The following CGAS variants were observed in gnomAD, a reference collection of about 807,000 sequenced individuals.
The protein encoded by CGAS is 2'3'-cGAMP synthase.
In CGAS, 31 loss-of-function variants were observed where a neutral mutation model predicts 34.0. The observed-to-expected ratio is 0.91, with a 90% CI of 0.69 to 1.23. CGAS has a LOEUF of 1.23. CGAS is among the 50% of genes most tolerant of loss of function. The probability of loss-of-function intolerance (pLI) is 0.00; values close to 1 mark genes in which losing one functional copy is unlikely to be tolerated. For missense variants in CGAS, 597 were observed against 657.6 expected (o/e 0.91, Z 1.01); for synonymous variants, 266 against 260.0 (o/e 1.02, Z -0.22).
intron 2 of CGAS, among the ~76,000 whole-genome samples, chr6:73,443,599 C>A (rs1209273006): frequency 6.6e-5 from 10 of 152,314 alleles, no homozygotes; most frequent in Admixed American, 4.6e-4. Context: ...ACTTCCCCCC[C>A]ACCTCCATCT....
chr6:73,429,812 C>G (rs1770162287), intron 3 of CGAS, among the ~76,000 whole-genome samples: 2 of 151,274 alleles, frequency 1.3e-5, no homozygotes, highest in African/African-American at 4.9e-5. Context: ...GGCAACAGCA[C>G]AAGACTCTGT....
intron 4 of CGAS, among the ~76,000 whole-genome samples, chr6:73,427,533 C>A (rs976504620): frequency 2.6e-5 from 4 of 152,252 alleles, no homozygotes; most frequent in Non-Finnish European, 4.4e-5. Context: ...TTCCTGACCT[C>A]AGGTGATCCA....
chr6:73,436,893 G>A (rs1770289890), intron 3 of CGAS, among the ~76,000 whole-genome samples: 1 of 152,148 alleles, frequency 6.6e-6, no homozygotes, highest in Non-Finnish European at 1.5e-5. Context: ...GCTCACGCCT[G>A]TAATCCCAGT....
At chr6:73,426,412 T>C (rs1770089686) in intron 4 of CGAS, among the ~76,000 whole-genome samples, 1 of 151,628 alleles carries the variant, frequency 6.6e-6, no homozygotes. Context: ...TGTTTTCAAA[T>C]ATATGGTTTG....
intron 3 of CGAS, among the ~76,000 whole-genome samples, chr6:73,432,702 C>A (rs1377671064): frequency 6.6e-6 from 1 of 152,158 alleles, no homozygotes; most frequent in Non-Finnish European, 1.5e-5. Context: ...GTGATCCACC[C>A]ACCTCAGCCT....
chr6:73,447,842 C>T (rs1235398019), intron 1 of CGAS, among the ~76,000 whole-genome samples: 1 of 152,056 alleles, frequency 6.6e-6, no homozygotes, highest in East Asian at 1.9e-4. Context: ...TGTTTATTGA[C>T]TTTGCAACCA....
Position 73,451,511 on chromosome 6 carries a change from G to A in CGAS, c.657+14C>T, listed in dbSNP as rs1045223708. The stretch of plus-strand genomic sequence containing the variant: ...GAGCAGCGGGGCTCGGCGGGAGGGC[G>A]CCAAGCAGCTCACCTTCACGTGCTC... On this transcript the variant is annotated intron_variant, in intron 1 of 4. Transcript: ENST00000370315. 3 of 1,527,664 alleles carry A rather than the reference G, an allele frequency of 2.0e-6. No homozygotes were observed. The highest frequency in any genetic ancestry group is 2.8e-5 in the African/African-American group (2 of 72,678). The allele number at this position is 1,527,664 out of a possible 1,614,324, so 94.6% of individuals were successfully genotyped here.
At chr6:73,436,304 C>T (rs1770278207) in intron 3 of CGAS, among the ~76,000 whole-genome samples, 1 of 151,030 alleles carries the variant, frequency 6.6e-6, no homozygotes, top group Non-Finnish European at 1.5e-5. Context: ...AAAGTCTATA[C>T]TTTATCCAGA....
rs1435074230 is a variant in CGAS, at chr6:73,445,848, A to G, written c.658-101T>C. On this transcript the variant is annotated intron_variant, in intron 1 of 4. Coordinates refer to ENST00000370315, the MANE Select transcript of CGAS (RefSeq NM_138441.3). ...TTCCACTTAAAACTTTACTTTAAAAAGCAAGATTCATAATGTCTATATATA... is the reference window on the plus strand; with the variant it reads ...TTCCACTTAAAACTTTACTTTAAAAGGCAAGATTCATAATGTCTATATATA... 10 of 856,478 alleles carry G rather than the reference A, an allele frequency of 1.2e-5. No individual in the cohort carries two copies. The Admixed American group carries it at 2.6e-4, about 22-fold the overall frequency. 53.1% of individuals were successfully genotyped at this position (856,478 alleles called of 1,614,324 possible). A position where few individuals can be genotyped will look rare whatever the true frequency, so the allele number is the denominator to read the frequency against.
intron 2 of CGAS, among the ~76,000 whole-genome samples, chr6:73,441,831 G>C (rs1390109399): frequency 6.6e-6 from 1 of 152,114 alleles, no homozygotes; most frequent in East Asian, 1.9e-4. Flanking sequence ...CCCAAACCTG[G>C]CCACCTCTCC....
intron 3 of CGAS, among the ~76,000 whole-genome samples, chr6:73,438,838 A>G (rs1432083700): frequency 2.0e-5 from 3 of 152,264 alleles, no homozygotes; most frequent in African/African-American, 7.2e-5. Context: ...GTCCTGTTGC[A>G]ATTTTTGTAT....
chr6:73,451,123 T>C (rs2150019460), intron 1 of CGAS, among the ~76,000 whole-genome samples: 1 of 152,258 alleles, frequency 6.6e-6, no homozygotes, highest in African/African-American at 2.4e-5. Flanking sequence ...GTAAGAGGTC[T>C]TCCTCATAGG....
At position 73,451,750 on chromosome 6, in the gene CGAS, GGGGCTGGGCACGTCCCA is replaced by G; in HGVS notation, c.415_431del (p.Trp139ArgfsTer34). 6.2e-7 allele frequency: 1 copy of G among 1,610,056 alleles called. No individual in the cohort carries two copies. Among genetic ancestry groups the G allele is most frequent in the Non-Finnish European group, 8.5e-7 (1 of 1,178,614 alleles). ...GAATGGGGGCCGAGACCGGCAGGCC[GGGGCTGGGCACGTCCCA>G]GGGCCCGGGCGGAGGTCTTGGCTTC... On this transcript the variant is annotated frameshift_variant, in exon 1 of 5. Coordinates refer to ENST00000370315, the MANE Select transcript of CGAS (RefSeq NM_138441.3). LOFTEE classifies it high-confidence loss of function.
At chr6:73,432,208 C>T (rs1008185811) in intron 3 of CGAS, among the ~76,000 whole-genome samples, 1 of 152,160 alleles carries the variant, frequency 6.6e-6, no homozygotes, top group African/African-American at 2.4e-5. Flanking sequence ...GTTGCCCAGG[C>T]TGGAGTGCAG....
At chr6:73,426,289 A>C (rs1770085049) in intron 4 of CGAS, among the ~76,000 whole-genome samples, 1 of 147,940 alleles carries the variant, frequency 6.8e-6, no homozygotes, top group East Asian at 2.0e-4. Context: ...CTCAAAATAA[A>C]ATAAAATAAA....
chr6:73,441,513 C>T (rs1232247482), intron 2 of CGAS, among the ~76,000 whole-genome samples: 3 of 152,184 alleles, frequency 2.0e-5, no homozygotes, highest in African/African-American at 4.8e-5. Flanking sequence ...GGGATGCCAT[C>T]CCAGGATCTT....
intron 4 of CGAS, among the ~76,000 whole-genome samples, chr6:73,428,215 G>A (rs311674): frequency 0.44 from 66,585 of 150,876 alleles, 15,206 homozygotes; most frequent in South Asian, 0.58. Flanking sequence ...CAGAGTGAAA[G>A]TCTGTCTCAA....
At chr6:73,440,179 T>C (rs758768162) in intron 3 of CGAS, 30 bp downstream of exon 3, 1 of 1,576,932 alleles carries the variant, frequency 6.3e-7, no homozygotes, top group South Asian at 1.1e-5. Flanking sequence ...CTCTTTTACT[T>C]CTTTAAGTTA....
At chr6:73,448,113 C>A (rs952727858) in intron 1 of CGAS, among the ~76,000 whole-genome samples, 1 of 152,162 alleles carries the variant, frequency 6.6e-6, no homozygotes, top group African/African-American at 2.4e-5. Context: ...AACCACTGGC[C>A]GGGCACAGTG....
Sources: gnomAD v4.1 joint callset for allele counts (sites outside exome capture counted in the v4.1 genomes callset) on GRCh38, gnomAD v4.1.1 for gene constraint, MANE v1.5 for transcripts, NCBI Gene and HGNC (gene_info 2026-07-23, HGNC 2026-07-21) for gene names.